Variants in STIP1 observed in about 807,000 individuals in gnomAD.
STIP1 encodes stress induced phosphoprotein 1.
A neutral mutation model predicts 77.4 loss-of-function variants in STIP1; 16 were observed. The ratio of observed to expected loss-of-function variants is 0.21; its 90% CI spans 0.14 to 0.31. The LOEUF (loss-of-function observed/expected upper bound fraction) is 0.31. Among genes scored for constraint, STIP1 ranks in the 10% least tolerant of loss-of-function variants. The pLI is 1.00. For missense variants in STIP1, 524 were observed against 684.8 expected (o/e 0.77, Z 2.62); for synonymous variants, 258 against 246.6 (o/e 1.05, Z -0.44).
chr11:64,193,989 C>T (rs1199792032), intron 2 of STIP1, among the ~76,000 whole-genome samples, 200 bp from the exon 3 acceptor site: 2 of 152,172 alleles, frequency 1.3e-5, no homozygotes, highest in Non-Finnish European at 2.9e-5. Flanking sequence ...CAAGGCGGGG[C>T]GGATGTGCCT....
At position 64,190,588 on chromosome 11, in the gene STIP1, T is replaced by A. The variant is rs187154421; in HGVS notation, c.10-2490T>A. On this transcript the variant is annotated intron_variant, in intron 1 of 13. Coordinates refer to ENST00000305218, the MANE Select transcript of STIP1 (RefSeq NM_006819.3). ...CCTCAGCTTCCCAAAGTGCTGAGAT[T>A]ACAGCCTAAAATCATTTCTCTTGAC... is the stretch of plus-strand genomic sequence containing the variant. Among the ~76,000 whole-genome samples, 377 of 152,338 alleles carry A rather than the reference T, an allele frequency of 2.5e-3. 1 individual carries two copies. The highest frequency in any genetic ancestry group is 4.3e-3 in the Non-Finnish European group (291 of 68,028).
chr11:64,199,964 GA>G lies in STIP1; in HGVS notation c.1049del (p.Glu350GlyfsTer6). The G allele has an allele frequency of 1.2e-6, 2 of 1,614,186 alleles. No individual in the cohort carries two copies. Among genetic ancestry groups the G allele is most frequent in the Non-Finnish European group, 1.7e-6 (2 of 1,180,036 alleles). On this transcript the variant is annotated frameshift_variant, in exon 9 of 14. Transcript: ENST00000305218. LOFTEE classifies it high-confidence loss of function. ...GGCAGAGAAAATCCTGAAGGAGCAAGAGCGGCTGGCCTACATAAACCCCGAC... is the reference window on the plus strand; with the variant it reads ...GGCAGAGAAAATCCTGAAGGAGCAAGGCGGCTGGCCTACATAAACCCCGAC... ...QQAEKILKEQERLAYINPDLA... is the reference protein window; with the variant it reads ...QQAEKILKEQXRLAYINPDLA...
chr11:64,201,400 C>CT (rs1946218547), intron 10 of STIP1, among the ~76,000 whole-genome samples: 1 of 152,138 alleles, frequency 6.6e-6, no homozygotes, highest in East Asian at 1.9e-4. Context: ...TCCTTGCTTG[C>CT]TTTTCTGTTT....
intron 1 of STIP1, 137 bp from the exon 2 acceptor site, chr11:64,192,941 G>T: frequency 1.2e-6 from 1 of 834,188 alleles, no homozygotes; most frequent in South Asian, 1.8e-5. Context: ...TTAAATAAAT[G>T]AACCGGTTTT....
At chr11:64,191,932 C>T (rs1946097289) in intron 1 of STIP1, among the ~76,000 whole-genome samples, 1 of 152,076 alleles carries the variant, frequency 6.6e-6, no homozygotes, top group Admixed American at 6.6e-5. Context: ...GTGCTCCTCT[C>T]TCCCCAGTCA....
intron 5 of STIP1, 172 bp downstream of exon 5, chr11:64,195,985 T>C: frequency 3.5e-6 from 3 of 847,072 alleles, no homozygotes; most frequent in Non-Finnish European, 3.6e-6. Context: ...CAAGCGATGC[T>C]CCTGCTTCAG....
chr11:64,198,754 T>TTTG lies in STIP1; in HGVS notation c.1023+782_1023+783insGTT, dbSNP rs1491378767. Among the ~76,000 whole-genome samples the TTTG allele has an allele frequency of 4.9e-4, 18 of 37,046 alleles. 1 individual carries two copies. In the South Asian group the frequency reaches 8.5e-3, roughly 17 times the overall value. 24.3% of individuals were successfully genotyped at this position (37,046 alleles called of 152,430 possible). On this transcript the variant is annotated intron_variant, in intron 8 of 13. Transcript: ENST00000305218. ...AGTGATCTGGTGTTTTTTTTTGTGGTTTTTTTTTTTTTTTTTTTGCAGTTT... is the reference window on the plus strand; with the variant it reads ...AGTGATCTGGTGTTTTTTTTTGTGGTTTGTTTTTTTTTTTTTTTTTTGCAGTTT...
intron 1 of STIP1, among the ~76,000 whole-genome samples, chr11:64,191,772 T>A (rs1037153226): frequency 1.3e-5 from 2 of 151,364 alleles, no homozygotes; most frequent in Admixed American, 6.6e-5. Context: ...TTTTTTTTTT[T>A]AATGAAAAAG....
chr11:64,200,791 G>A (rs1247050916), intron 10 of STIP1, among the ~76,000 whole-genome samples: 1 of 151,986 alleles, frequency 6.6e-6, no homozygotes, highest in Admixed American at 6.6e-5. Context: ...TGGGTCATGT[G>A]GTGTCTGTGT....
At chr11:64,188,892 C>A (rs1946058959) in intron 1 of STIP1, among the ~76,000 whole-genome samples, 1 of 152,136 alleles carries the variant, frequency 6.6e-6, no homozygotes. Flanking sequence ...TTTTCATTTT[C>A]AACTGTGAGG....
chr11:64,198,397 G>C (rs575056926), intron 8 of STIP1, among the ~76,000 whole-genome samples: 5 of 152,214 alleles, frequency 3.3e-5, no homozygotes, highest in Non-Finnish European at 4.4e-5. Flanking sequence ...ATTTTTAGTA[G>C]AGATGGGGTT....
chr11:64,203,464 C>G lies in STIP1; in HGVS notation c.1401C>G (p.Gly467=). The G allele has an allele frequency of 6.2e-7, 1 of 1,614,044 alleles. No individual in the cohort carries two copies. The highest frequency in any genetic ancestry group is 8.5e-7 in the Non-Finnish European group (1 of 1,179,990). Residue 467 remains glycine (G), a synonymous_variant, in exon 13 of 14, where the codon GGC becomes GGG. Transcript: ENST00000305218. ...LDSSCKEAAD[G]YQRCMMAQYN... is the part of the protein sequence containing the mutation. ...CTGGACTGCAGGAGGCGGCAGACGG[C>G]TACCAGCGCTGTATGATGGCGCAGT...
chr11:64,203,798 A>C, intron 13 of STIP1, 176 bp downstream of exon 13: 1 of 819,038 alleles, frequency 1.2e-6, no homozygotes, highest in Non-Finnish European at 1.9e-6. Context: ...GTTAGTCGTG[A>C]TAGCTTAAGC....
intron 7 of STIP1, 41 bp downstream of exon 7, chr11:64,197,636 G>T (rs1946165470): frequency 1.9e-6 from 3 of 1,610,610 alleles, no homozygotes; most frequent in Non-Finnish European, 1.7e-6. Context: ...AGCGCGGAGG[G>T]TTTGCTGTCC....
At chr11:64,195,845 A>T (rs1193718206) in intron 5 of STIP1, 32 bp downstream of exon 5, 1 of 1,613,088 alleles carries the variant, frequency 6.2e-7, no homozygotes, top group Non-Finnish European at 8.5e-7. Flanking sequence ...ACTGTCACCT[A>T]TCTATAAACA....
chr11:64,192,186 C>T (rs971295632), intron 1 of STIP1, among the ~76,000 whole-genome samples: 3 of 151,990 alleles, frequency 2.0e-5, no homozygotes, highest in African/African-American at 4.8e-5. Flanking sequence ...TGGGGGTGTG[C>T]GCCTGTAGTC....
Position 64,202,921 on chromosome 11 carries a change from C to T in STIP1, c.1282+9C>T, listed in dbSNP as rs775954265. ...GCTGGAGCCGACCTTCAGTAAGTGC[C>T]TTTCTGCTGCCTGTCCCCTGTCTCT... On this transcript the variant is annotated intron_variant, in intron 11 of 13. Transcript: ENST00000305218. 20 of 1,614,084 alleles carry T rather than the reference C, an allele frequency of 1.2e-5. No homozygotes were observed. The highest frequency in any genetic ancestry group is 2.2e-5 in the East Asian group (1 of 44,894).
chr11:64,197,745 A>C, intron 7 of STIP1, 109 bp from the exon 8 acceptor site: 2 of 1,549,740 alleles, frequency 1.3e-6, no homozygotes, highest in South Asian at 2.4e-5. Flanking sequence ...ACAAGACAAA[A>C]GGTGTTGAAG....
chr11:64,200,687 G>C (rs1312950434), intron 10 of STIP1, among the ~76,000 whole-genome samples: 1 of 151,512 alleles, frequency 6.6e-6, no homozygotes, highest in African/African-American at 2.4e-5. Flanking sequence ...CTACTGGTTG[G>C]CAGTACATTG....
Sources: gnomAD v4.1 joint callset for allele counts (sites outside exome capture counted in the v4.1 genomes callset) on GRCh38, gnomAD v4.1.1 for gene constraint, MANE v1.5 for transcripts, NCBI Gene and HGNC (gene_info 2026-07-23, HGNC 2026-07-21) for gene names.